Variants in DZANK1 observed in about 807,000 individuals in gnomAD.
DZANK1 encodes the protein double zinc ribbon and ankyrin repeat-containing protein 1.
Under a neutral mutation model 94.5 loss-of-function variants are expected in DZANK1, and 91 were observed. That is an observed-to-expected ratio of 0.96 (90% confidence interval 0.81 to 1.15). DZANK1 has a LOEUF of 1.15. Ranked by LOEUF, DZANK1 falls within the 50% of genes most tolerant of loss-of-function variation. DZANK1 has a pLI of 0.00. For synonymous variants in DZANK1, 312 were observed against 325.3 expected (o/e 0.96, Z 0.44); for missense variants, 903 against 916.4 (o/e 0.99, Z 0.19).
intron 9 of DZANK1, among the ~76,000 whole-genome samples, chr20:18,432,293 A>G (rs569589330): frequency 1.2e-4 from 19 of 152,364 alleles, no homozygotes; most frequent in African/African-American, 4.3e-4. Flanking sequence ...AAATGTATTA[A>G]TAAGAATAGA....
intron 19 of DZANK1, among the ~76,000 whole-genome samples, chr20:18,389,427 C>T (rs2048710635): frequency 6.6e-6 from 1 of 152,166 alleles, no homozygotes; most frequent in Non-Finnish European, 1.5e-5. Context: ...GATTTACTGG[C>T]CCCACACAGT....
chr20:18,388,949 T>TTAG (rs1262583627), intron 19 of DZANK1, among the ~76,000 whole-genome samples: 1 of 152,210 alleles, frequency 6.6e-6, no homozygotes, highest in Non-Finnish European at 1.5e-5. Context: ...TGACCTCGCC[T>TTAG]TAGTAAGACT....
intron 9 of DZANK1, chr20:18,433,445 G>A (rs951426042): frequency 2.0e-6 from 1 of 512,684 alleles, no homozygotes; most frequent in Non-Finnish European, 3.5e-6. Flanking sequence ...AGGAGGCTGA[G>A]GCAGGAGAAT....
At chr20:18,464,990 T>C (rs1249263631) in intron 2 of DZANK1, among the ~76,000 whole-genome samples, 2 of 152,182 alleles carry the variant, frequency 1.3e-5, no homozygotes, top group Non-Finnish European at 2.9e-5. Context: ...CGGGACATCT[T>C]ACCTTGGCTA....
intron 13 of DZANK1, among the ~76,000 whole-genome samples, chr20:18,399,285 A>G (rs1339471240): frequency 2.0e-5 from 3 of 152,064 alleles, no homozygotes; most frequent in East Asian, 3.8e-4. Flanking sequence ...CTAGAGTACA[A>G]TGGTGTGATC....
chr20:18,457,018 T>C (rs1270658002), intron 3 of DZANK1, among the ~76,000 whole-genome samples: 1 of 152,208 alleles, frequency 6.6e-6, no homozygotes, highest in Non-Finnish European at 1.5e-5. Context: ...CCACCAGCAG[T>C]AGCTGAGGGG....
chr20:18,448,625 T>C (rs1054429078), intron 7 of DZANK1, among the ~76,000 whole-genome samples: 1 of 152,108 alleles, frequency 6.6e-6, no homozygotes, highest in Non-Finnish European at 1.5e-5. Context: ...TCTCAGCACT[T>C]TGGGAGACCG....
Position 18,431,632 on chromosome 20 carries a change from T to C in DZANK1, c.861+2020A>G, listed in dbSNP as rs181512183. ...AAGCAGTAATAGTGATTGTCTGGCA[T>C]AAAAAGTCACACACTTCTCTCCAGC... On this transcript the variant is annotated intron_variant, in intron 9 of 20. Transcript: ENST00000262547. Among the ~76,000 whole-genome samples, 503 of 152,306 alleles carry C rather than the reference T, an allele frequency of 3.3e-3. 1 individual carries two copies. Among genetic ancestry groups the C allele is most frequent in the Non-Finnish European group, 5.5e-3 (373 of 68,026 alleles).
At chr20:18,447,939 A>C (rs940277855) in intron 7 of DZANK1, among the ~76,000 whole-genome samples, 2 of 152,216 alleles carry the variant, frequency 1.3e-5, no homozygotes, top group Non-Finnish European at 2.9e-5. Flanking sequence ...TATTTGCCCC[A>C]AGGGAAATGA....
In DZANK1 at chr20:18,449,095, G is replaced by A. The variant is rs746719227; in HGVS notation, c.544-26C>T. On this transcript the variant is annotated intron_variant, in intron 6 of 20. Transcript: ENST00000262547. ...CTAAAATTAAGAATATAGGTATAAA[G>A]ACAGAGTCATATAGTCAAAATAACA... 94 of 1,579,812 alleles carry A rather than the reference G, an allele frequency of 6.0e-5. No homozygotes were observed. In the East Asian group the frequency reaches 2.1e-3, roughly 35 times the overall value.
At chr20:18,387,823 T>C (rs2048599503) in intron 19 of DZANK1, among the ~76,000 whole-genome samples, 1 of 152,228 alleles carries the variant, frequency 6.6e-6, no homozygotes, top group Non-Finnish European at 1.5e-5. Context: ...GGAAGTTACC[T>C]GGTGAAGAGA....
chr20:18,400,346 A>G (rs1221790236), intron 13 of DZANK1, among the ~76,000 whole-genome samples: 1 of 152,174 alleles, frequency 6.6e-6, no homozygotes, highest in Admixed American at 6.5e-5. Flanking sequence ...GGGACCATGG[A>G]GAACATGTCT....
At chr20:18,403,045 C>G (rs2056767069) in intron 13 of DZANK1, among the ~76,000 whole-genome samples, 1 of 152,196 alleles carries the variant, frequency 6.6e-6, no homozygotes, top group Non-Finnish European at 1.5e-5. Context: ...GGCTCCCTCT[C>G]CTCAGAGTTC....
intron 17 of DZANK1, among the ~76,000 whole-genome samples, chr20:18,391,913 A>T (rs1175608984): frequency 2.6e-5 from 4 of 152,330 alleles, no homozygotes; most frequent in Non-Finnish European, 5.9e-5. Context: ...GGTCTTGGGG[A>T]GCACTTGTTT....
rs1469867082 is a variant in DZANK1 at position 18,393,825 on chromosome 20, G to A, written c.1709-14C>T. The A allele has an allele frequency of 1.9e-6, 3 of 1,576,780 alleles. No homozygotes were observed. The Admixed American group carries it at 5.2e-5, about 27-fold the overall frequency. On this transcript the variant is annotated splice_polypyrimidine_tract_variant and intron_variant, in intron 16 of 20. Coordinates refer to ENST00000262547, the Ensembl canonical transcript of DZANK1. ...TGTAGTCACTCACTGAAATGACACA[G>A]TTGGGGAAAAAAATGATGCCCCTCC...
chr20:18,396,981 A>C (rs2056379514), intron 14 of DZANK1, among the ~76,000 whole-genome samples: 1 of 152,212 alleles, frequency 6.6e-6, no homozygotes, highest in Non-Finnish European at 1.5e-5. Flanking sequence ...AAGTAGCAAT[A>C]GGAATTTAGA....
At chr20:18,443,259 A>G (rs1467517982) in intron 8 of DZANK1, 88 bp downstream of exon 8, 5 of 857,472 alleles carry the variant, frequency 5.8e-6, no homozygotes, top group African/African-American at 5.1e-5. Flanking sequence ...TTATATGTGC[A>G]GTTCATGTGT....
intron 20 of DZANK1, 99 bp from the exon 21 acceptor site, chr20:18,384,663 T>G: frequency 7.6e-7 from 1 of 1,316,486 alleles, no homozygotes; most frequent in Non-Finnish European, 1.0e-6. Flanking sequence ...GCTGGGCCCC[T>G]CCTGGTCCCA....
chr20:18,454,584 G>C (rs1601152452), intron 4 of DZANK1: 2 of 156,282 alleles, frequency 1.3e-5, no homozygotes, highest in Non-Finnish European at 2.8e-5. Flanking sequence ...TTCTCAGATG[G>C]ATCTAATTGA....
Sources: gnomAD v4.1 joint callset for allele counts (sites outside exome capture counted in the v4.1 genomes callset) on GRCh38, gnomAD v4.1.1 for gene constraint, MANE v1.5 for transcripts, NCBI Gene and HGNC (gene_info 2026-07-23, HGNC 2026-07-21) for gene names.